The following TAFA5 variants were observed in gnomAD, a reference collection of about 807,000 sequenced individuals.
TAFA5 encodes chemokine-like protein TAFA-5.
In TAFA5, 6 loss-of-function variants were observed where a neutral mutation model predicts 15.3. The observed-to-expected ratio is 0.39, with a 90% CI of 0.21 to 0.77. The LOEUF is 0.77. Ranked by LOEUF, TAFA5 falls within the 30% of genes least tolerant of loss-of-function variation. The pLI is 0.41. For synonymous variants in TAFA5, 103 were observed against 80.7 expected (o/e 1.28, Z -1.48); for missense variants, 161 against 193.1 (o/e 0.83, Z 0.98).
intron 1 of TAFA5, among the ~76,000 whole-genome samples, chr22:48,523,108 G>A (rs1042806754): frequency 2.0e-4 from 31 of 152,332 alleles, no homozygotes; most frequent in Non-Finnish European, 3.5e-4. Context: ...ACTGGTGCCC[G>A]TGTCAAGGCT....
At chr22:48,600,035 C>T (rs1924906691) in intron 1 of TAFA5, among the ~76,000 whole-genome samples, 2 of 152,154 alleles carry the variant, frequency 1.3e-5, no homozygotes, top group Non-Finnish European at 2.9e-5. Context: ...CTGGGCTGGT[C>T]TTGTTGTGTC....
intron 1 of TAFA5, among the ~76,000 whole-genome samples, chr22:48,562,363 C>G (rs1461910618): frequency 2.0e-5 from 3 of 152,218 alleles, no homozygotes; most frequent in Non-Finnish European, 2.9e-5. Context: ...TGGTCTCGAT[C>G]TCCTGACCTC....
chr22:48,518,508 A>C (rs1337587126), intron 1 of TAFA5, among the ~76,000 whole-genome samples: 1 of 152,184 alleles, frequency 6.6e-6, no homozygotes, highest in Admixed American at 6.5e-5. Context: ...CAGGAAAACG[A>C]GGGCTCTTGT....
intron 3 of TAFA5, among the ~76,000 whole-genome samples, chr22:48,719,283 G>A (rs369748033): frequency 3.5e-4 from 53 of 152,276 alleles, no homozygotes; most frequent in Middle Eastern, 3.4e-3. Context: ...GGGTGAGGTG[G>A]CACGTCCCGT....
chr22:48,599,609 G>T (rs548710206), intron 1 of TAFA5, among the ~76,000 whole-genome samples: 2 of 152,222 alleles, frequency 1.3e-5, no homozygotes, highest in Non-Finnish European at 2.9e-5. Flanking sequence ...GACCCTGTGC[G>T]TGCCAGGAGC....
intron 1 of TAFA5, among the ~76,000 whole-genome samples, chr22:48,608,899 G>A (rs1395063288): frequency 6.6e-6 from 1 of 152,234 alleles, no homozygotes; most frequent in Non-Finnish European, 1.5e-5. Flanking sequence ...CCCTTGTGCT[G>A]TAGCGGAATA....
intron 2 of TAFA5, among the ~76,000 whole-genome samples, chr22:48,664,784 T>TA (rs1258593745): frequency 1.3e-5 from 2 of 152,176 alleles, no homozygotes; most frequent in Non-Finnish European, 2.9e-5. Flanking sequence ...GACAATCTGA[T>TA]ACTCTCATTG....
At chr22:48,682,152 C>T (rs1447858271) in intron 2 of TAFA5, among the ~76,000 whole-genome samples, 2 of 152,186 alleles carry the variant, frequency 1.3e-5, no homozygotes, top group Non-Finnish European at 2.9e-5. Flanking sequence ...CTCTGTCCTC[C>T]TGCTCCAGGT....
At chr22:48,713,013 G>A (rs1462706123) in intron 3 of TAFA5, among the ~76,000 whole-genome samples, 3 of 152,208 alleles carry the variant, frequency 2.0e-5, no homozygotes, top group African/African-American at 4.8e-5. Context: ...GCTCAGCCAC[G>A]TTTTTGTAGT....
intron 2 of TAFA5, among the ~76,000 whole-genome samples, chr22:48,674,825 G>A (rs1481471930): frequency 1.3e-5 from 2 of 152,174 alleles, no homozygotes; most frequent in Non-Finnish European, 2.9e-5. Context: ...AGTTTTATCG[G>A]GACACTGTCA....
At position 48,750,652 on chromosome 22, in the gene TAFA5, C is replaced by G. The variant is rs1280444518; in HGVS notation, c.*805C>G. ...TTTCTGTTTTAACCAGTTAAACATG[C>G]CTCTTCTACAGCTCCATTTTTGATA... On this transcript the variant is annotated 3_prime_UTR_variant, in exon 4 of 4. Transcript: ENST00000402357. 1 of 153,020 alleles carries G rather than the reference C, an allele frequency of 6.5e-6. No individual in the cohort carries two copies. The highest frequency in any genetic ancestry group is 1.9e-4 in the East Asian group (1 of 5,188). 9.5% of individuals were successfully genotyped at this position (153,020 alleles called of 1,614,324 possible).
intron 3 of TAFA5, among the ~76,000 whole-genome samples, chr22:48,740,464 GC>G (rs1210721688): frequency 1.3e-5 from 2 of 152,146 alleles, no homozygotes; most frequent in African/African-American, 4.8e-5. Flanking sequence ...ATTTCCCACT[GC>G]TTAGTGAGCA....
intron 1 of TAFA5, among the ~76,000 whole-genome samples, chr22:48,596,688 G>C (rs1270356523): frequency 6.6e-6 from 1 of 152,106 alleles, no homozygotes; most frequent in Non-Finnish European, 1.5e-5. Context: ...GCTCACTCTT[G>C]GCATGGAGCA....
intron 2 of TAFA5, among the ~76,000 whole-genome samples, chr22:48,663,443 C>T (rs1303834514): frequency 6.6e-6 from 1 of 152,190 alleles, no homozygotes; most frequent in African/African-American, 2.4e-5. Flanking sequence ...CAAAGTGCAG[C>T]AGCCGGCACA....
intron 3 of TAFA5, among the ~76,000 whole-genome samples, chr22:48,708,464 C>A (rs1025720934): frequency 6.6e-6 from 1 of 152,322 alleles, no homozygotes; most frequent in African/African-American, 2.4e-5. Flanking sequence ...GCTTGGGGAA[C>A]GCCGGGTGGA....
At chr22:48,549,393 G>A (rs1922785801) in intron 1 of TAFA5, among the ~76,000 whole-genome samples, 1 of 152,256 alleles carries the variant, frequency 6.6e-6, no homozygotes, top group South Asian at 2.1e-4. Context: ...TCAGCACTGA[G>A]CAGGGAGATG....
chr22:48,640,445 C>A (rs1453526239), intron 1 of TAFA5, among the ~76,000 whole-genome samples: 1 of 152,188 alleles, frequency 6.6e-6, no homozygotes, highest in Non-Finnish European at 1.5e-5. Context: ...GCAACCAAGG[C>A]TGGCTTATCT....
At chr22:48,617,246 A>G (rs1485951840) in intron 1 of TAFA5, among the ~76,000 whole-genome samples, 1 of 115,076 alleles carries the variant, frequency 8.7e-6, no homozygotes. Flanking sequence ...GAGGAGGCAA[A>G]AGGGGCATGA....
intron 1 of TAFA5, among the ~76,000 whole-genome samples, chr22:48,511,728 C>T (rs943677924): frequency 1.3e-5 from 2 of 152,266 alleles, no homozygotes; most frequent in African/African-American, 4.8e-5. Context: ...GCAGGCCCAT[C>T]TCTCCAGGTA....
Sources: gnomAD v4.1 joint callset for allele counts (sites outside exome capture counted in the v4.1 genomes callset) on GRCh38, gnomAD v4.1.1 for gene constraint, MANE v1.5 for transcripts, NCBI Gene and HGNC (gene_info 2026-07-23, HGNC 2026-07-21) for gene names.